SH3GL2: variants seen among roughly 807,000 people sequenced by gnomAD.
SH3GL2 encodes SH3 domain containing GRB2 like 2, endophilin A1, also known as endophilin-A1.
In SH3GL2, 24 loss-of-function variants were observed where a neutral mutation model predicts 46.0. The observed-to-expected ratio is 0.52, with a 90% CI of 0.38 to 0.73. SH3GL2 has a LOEUF of 0.73. SH3GL2 is among the 30% of genes least tolerant of loss of function. SH3GL2 has a pLI of 0.00. For synonymous variants in SH3GL2, 196 were observed against 147.1 expected (o/e 1.33, Z -2.40); for missense variants, 413 against 424.2 (o/e 0.97, Z 0.23).
Position 17,789,590 on chromosome 9 carries a change from G to A in SH3GL2, c.624+40G>A, listed in dbSNP as rs78778855. The A allele has an allele frequency of 2.6e-3, 4,214 of 1,609,190 alleles. 102 individuals carry two copies. In the African/African-American group the frequency reaches 0.047, roughly 18 times the overall value. ...TGGTTTTCAATTTAATCTTATCATC[G>A]AGGCACAACATTAATATGTTAAAGG... On this transcript the variant is annotated intron_variant, in intron 6 of 8. Transcript: ENST00000380607.
intron 1 of SH3GL2, among the ~76,000 whole-genome samples, chr9:17,680,511 C>A (rs1207060597): frequency 2.0e-5 from 3 of 151,716 alleles, no homozygotes; most frequent in Non-Finnish European, 1.5e-5. Context: ...CTATTTGATT[C>A]TTCTCTCTTT....
chr9:17,580,317 T>C (rs1404173783), intron 1 of SH3GL2, among the ~76,000 whole-genome samples: 1 of 152,224 alleles, frequency 6.6e-6, no homozygotes, highest in Non-Finnish European at 1.5e-5. Flanking sequence ...AGCTTTCTCA[T>C]AATTTCTCGG....
chr9:17,594,153 T>A (rs979299570), intron 1 of SH3GL2, among the ~76,000 whole-genome samples: 12 of 152,202 alleles, frequency 7.9e-5, no homozygotes, highest in Non-Finnish European at 1.5e-4. Context: ...CCCTCTGAAG[T>A]CCTGTTCAGG....
intron 2 of SH3GL2, chr9:17,755,864 C>T: frequency 2.9e-6 from 2 of 684,788 alleles, no homozygotes; most frequent in South Asian, 1.3e-4. Context: ...GAAGAGTAAC[C>T]CCATTCTAGT....
chr9:17,599,807 T>C (rs915943487), intron 1 of SH3GL2, among the ~76,000 whole-genome samples: 2 of 152,208 alleles, frequency 1.3e-5, no homozygotes, highest in Non-Finnish European at 1.5e-5. Context: ...TATCTCTAGA[T>C]GTGGGCTTTC....
chr9:17,682,844 G>T (rs955300557), intron 1 of SH3GL2, among the ~76,000 whole-genome samples: 1 of 152,200 alleles, frequency 6.6e-6, no homozygotes. Flanking sequence ...CATGATGTAT[G>T]TGTATTTGTG....
intron 1 of SH3GL2, among the ~76,000 whole-genome samples, chr9:17,591,765 A>G (rs1332151629): frequency 1.3e-5 from 2 of 152,224 alleles, no homozygotes. Flanking sequence ...AACATTGCTA[A>G]GCTCATAGTG....
intron 1 of SH3GL2, among the ~76,000 whole-genome samples, chr9:17,615,651 T>C (rs1387721911): frequency 2.3e-5 from 2 of 86,820 alleles, no homozygotes; most frequent in Admixed American, 1.9e-4. Flanking sequence ...AGAGCGAGAC[T>C]CCGTCTCAAA....
At chr9:17,637,120 C>T (rs1292676151) in intron 1 of SH3GL2, among the ~76,000 whole-genome samples, 1 of 152,114 alleles carries the variant, frequency 6.6e-6, no homozygotes, top group Non-Finnish European at 1.5e-5. Context: ...GTGGAGTTTG[C>T]AGTAAATGGT....
At chr9:17,687,531 C>T (rs149201899) in intron 1 of SH3GL2, among the ~76,000 whole-genome samples, 2 of 145,136 alleles carry the variant, frequency 1.4e-5, no homozygotes, top group African/African-American at 2.8e-5. Flanking sequence ...ATACAATTGT[C>T]AACATACAGC....
At chr9:17,638,646 C>T (rs1819603650) in intron 1 of SH3GL2, among the ~76,000 whole-genome samples, 1 of 152,186 alleles carries the variant, frequency 6.6e-6, no homozygotes, top group African/African-American at 2.4e-5. Context: ...GGGGGATGTG[C>T]AGAACAAGGA....
chr9:17,615,241 A>G (rs1367741515), intron 1 of SH3GL2, among the ~76,000 whole-genome samples: 1 of 152,230 alleles, frequency 6.6e-6, no homozygotes, highest in Non-Finnish European at 1.5e-5. Flanking sequence ...AGAAGTGTTT[A>G]CTGGGATATT....
At chr9:17,762,131 A>G (rs1004019408) in intron 3 of SH3GL2, among the ~76,000 whole-genome samples, 8 of 152,192 alleles carry the variant, frequency 5.3e-5, no homozygotes, top group African/African-American at 1.7e-4. Context: ...ATAGCAAAGC[A>G]AAGCAAAGCA....
chr9:17,628,195 T>G (rs1819328805), intron 1 of SH3GL2, among the ~76,000 whole-genome samples: 1 of 152,198 alleles, frequency 6.6e-6, no homozygotes, highest in Non-Finnish European at 1.5e-5. Flanking sequence ...TGAGCCAGAA[T>G]GGATCAGACG....
chr9:17,611,948 T>A (rs1282275873), intron 1 of SH3GL2, among the ~76,000 whole-genome samples: 2 of 152,216 alleles, frequency 1.3e-5, no homozygotes, highest in African/African-American at 4.8e-5. Context: ...TTCTGTAAGC[T>A]CTTTTTGTGT....
At position 17,774,961 on chromosome 9, in the gene SH3GL2, T is replaced by C. The variant is rs900513942; in HGVS notation, c.188-11420T>C. On this transcript the variant is annotated intron_variant, in intron 3 of 8. Transcript: ENST00000380607. ...TTGATTACTGATTCAATCTTCTTAC[T>C]AATGATAGGTCTGTTCAGATTTTCT... 2.6e-5 allele frequency among the ~76,000 whole-genome samples: 4 copies of C among 152,222 alleles called. 1 individual carries two copies. Among genetic ancestry groups the C allele is most frequent in the South Asian group, 4.1e-4 (2 of 4,838 alleles).
intron 1 of SH3GL2, among the ~76,000 whole-genome samples, chr9:17,697,696 A>T (rs1413703946): frequency 6.6e-6 from 1 of 152,166 alleles, no homozygotes; most frequent in Non-Finnish European, 1.5e-5. Context: ...AAACCATATC[A>T]TTGCCCCCCG....
rs1336851438 is a variant in SH3GL2, at chr9:17,795,446, A to C, written c.860-98A>C. 3 of 863,864 alleles carry C rather than the reference A, an allele frequency of 3.5e-6. No homozygotes were observed. In the African/African-American group the frequency reaches 5.0e-5, roughly 14 times the overall value. 53.5% of individuals were successfully genotyped at this position (863,864 alleles called of 1,614,324 possible). A position where few individuals can be genotyped will look rare whatever the true frequency, so the allele number is the denominator to read the frequency against. ...GAGGAATGAGGGAGGAAAGACGGGG[A>C]GCAGCAAGCCAGGTGGGTACAGCAG... On this transcript the variant is annotated intron_variant, in intron 8 of 8. Coordinates refer to ENST00000380607, the MANE Select transcript of SH3GL2 (RefSeq NM_003026.5).
chr9:17,691,963 A>G (rs1055558873), intron 1 of SH3GL2, among the ~76,000 whole-genome samples: 4 of 152,164 alleles, frequency 2.6e-5, no homozygotes, highest in African/African-American at 4.8e-5. Flanking sequence ...TAATTTGACA[A>G]TATCTATAAA....
Sources: allele counts gnomAD v4.1 joint callset (sites outside exome capture counted in the v4.1 genomes callset), GRCh38; gene constraint gnomAD v4.1.1; transcripts MANE v1.5; gene names NCBI Gene and HGNC (gene_info 2026-07-23, HGNC 2026-07-21).